Variants in COL4A1 observed in about 807,000 individuals in gnomAD.
COL4A1 encodes the protein collagen type IV alpha 1 chain, also known as collagen alpha-1(IV) chain.
A neutral mutation model predicts 216.6 loss-of-function variants in COL4A1; 40 were observed. The ratio of observed to expected loss-of-function variants is 0.18; its 90% CI spans 0.14 to 0.24. The LOEUF (loss-of-function observed/expected upper bound fraction) is 0.24. COL4A1 is among the 10% of genes least tolerant of loss of function. COL4A1 has a pLI of 1.00. For missense variants in COL4A1, 1,628 were observed against 2,196.8 expected, an observed-to-expected ratio of 0.74 and a Z score of 5.18; for synonymous variants, 839 against 810.7, an observed-to-expected ratio of 1.03 and a Z score of -0.59.
At chr13:110,206,536 T>C (rs1473245965) in intron 15 of COL4A1, 129 bp downstream of exon 15, 3 of 1,074,542 alleles carry the variant, frequency 2.8e-6, no homozygotes, top group Non-Finnish European at 4.3e-6. Flanking sequence ...GGAAAAGCCC[T>C]TCGGGGCATG....
At chr13:110,196,613 A>C (rs574562547) in intron 21 of COL4A1, among the ~76,000 whole-genome samples, 123 of 140,556 alleles carry the variant, frequency 8.8e-4, no homozygotes, top group African/African-American at 1.1e-3. Context: ...AACAAACAAA[A>C]AAAAAATAGT....
rs1017279002 is a variant in COL4A1, at chr13:110,170,650, A to C, written c.3639T>G (p.Gly1213=). The C allele has an allele frequency of 6.2e-7, 1 of 1,613,846 alleles. No individual in the cohort carries two copies. The stretch of plus-strand genomic sequence containing the variant: ...CCGGCTGTCCCTGGGGCCCCGGAGG[A>C]CCCATGAATCCTTGCTCTCCTTTGG... ...PGSKGEQGFM[G]PPGPQGQPGL... is the part of the protein sequence containing the mutation. Residue 1213 remains glycine, a synonymous_variant, in exon 42 of 52, where the codon GGT becomes GGG. Transcript: ENST00000375820.
At chr13:110,175,520 C>A (rs1469750249) in intron 36 of COL4A1, among the ~76,000 whole-genome samples, 163 bp from the exon 37 acceptor site, 1 of 152,198 alleles carries the variant, frequency 6.6e-6, no homozygotes, top group Non-Finnish European at 1.5e-5. Context: ...ATGTATCAAT[C>A]GGCTCATGAC....
chr13:110,286,989 T>C (rs1171104126), intron 1 of COL4A1, among the ~76,000 whole-genome samples: 3 of 152,152 alleles, frequency 2.0e-5, no homozygotes, highest in African/African-American at 7.2e-5. Context: ...CTCCAGAAAA[T>C]TCAGGAGTGG....
rs1376094894 is a variant in COL4A1 at position 110,179,415 on chromosome 13, G to C, written c.2200C>G (p.Pro734Ala). 6.2e-7 allele frequency: 1 copy of C among 1,614,050 alleles called. No individual in the cohort carries two copies. The highest frequency in any genetic ancestry group is 8.5e-7 in the Non-Finnish European group (1 of 1,180,020). ...NPGVQGQKGE[P>A]GVGLPGLKGL... ...TTGAGTCCCGGTAGACCAACTCCAG[G>C]CTCTCCCTGAAAATCCCCAAAGCAC... is the stretch of plus-strand genomic sequence containing the variant. The change falls in exon 30 of 52, where the codon CCT becomes GCT. Residue 734 changes from proline (P) to alanine (A), a missense_variant. Pro to Ala is a conservative substitution (Grantham distance 27, BLOSUM62 -1). This residue lies in a region of COL4A1 where 701 missense variants were observed against 892.5 expected (regional missense o/e 0.79). Coordinates refer to ENST00000375820, the MANE Select transcript of COL4A1 (RefSeq NM_001845.6).
chr13:110,180,665 G>A (rs764721208), intron 29 of COL4A1, among the ~76,000 whole-genome samples: 8 of 152,270 alleles, frequency 5.3e-5, no homozygotes, highest in Non-Finnish European at 7.3e-5. Flanking sequence ...GTATAGGCAA[G>A]TTGGTAGCAG....
In COL4A1 at chr13:110,169,521, CACACAT is replaced by C. The variant is rs1185708917; in HGVS notation, c.3876+102_3876+107del. 33 of 1,549,366 alleles carry C rather than the reference CACACAT, an allele frequency of 2.1e-5. No individual in the cohort carries two copies. The African/African-American group carries it at 2.7e-4, about 13-fold the overall frequency. ...TAACACACACACACACACACACACA[CACACAT>C]ATATATACATACACAAAATACATAC... On this transcript the variant is annotated intron_variant, in intron 43 of 51. Transcript: ENST00000375820.
At chr13:110,301,833 A>C (rs1371377203) in intron 1 of COL4A1, among the ~76,000 whole-genome samples, 3 of 152,196 alleles carry the variant, frequency 2.0e-5, no homozygotes. Flanking sequence ...GAGGCCAGAA[A>C]AATTTGACAG....
intron 47 of COL4A1, 85 bp downstream of exon 47, chr13:110,163,378 C>T: frequency 8.7e-7 from 1 of 1,154,826 alleles, no homozygotes; most frequent in Non-Finnish European, 1.3e-6. Flanking sequence ...CAACTTCATT[C>T]TGCTGTTTCC....
intron 2 of COL4A1, among the ~76,000 whole-genome samples, chr13:110,227,332 AT>A (rs373428234): frequency 1.9e-4 from 28 of 149,874 alleles, no homozygotes; most frequent in African/African-American, 6.6e-4. Flanking sequence ...ACGTATATGG[AT>A]TTTTTTTTAA....
Position 110,198,447 on chromosome 13 carries a change from C to T in COL4A1, c.1285+20G>A. 6.2e-7 allele frequency: 1 copy of T among 1,613,234 alleles called. No homozygotes were observed. Among genetic ancestry groups the T allele is most frequent in the Non-Finnish European group, 8.5e-7 (1 of 1,179,910 alleles). On this transcript the variant is annotated intron_variant, in intron 21 of 51. Coordinates refer to ENST00000375820, the MANE Select transcript of COL4A1 (RefSeq NM_001845.6). ...GTGTCTGCTTGCACCCCACATTAAA[C>T]CATTTCTGAGGGAACTCACTTGTGT...
At chr13:110,152,308 T>C (rs1317530425) in intron 51 of COL4A1, 26 bp downstream of exon 51, 1 of 1,613,754 alleles carries the variant, frequency 6.2e-7, no homozygotes, top group South Asian at 1.1e-5. Context: ...GCCAGCAGCC[T>C]GCAAAAAAGC....
chr13:110,255,880 AGGG>A (rs1882528369), intron 1 of COL4A1, among the ~76,000 whole-genome samples: 1 of 32,420 alleles, frequency 3.1e-5, no homozygotes, highest in East Asian at 9.8e-4. Flanking sequence ...GAAGGCAGGA[AGGG>A]AGGGGGAAGG....
intron 18 of COL4A1, 155 bp from the exon 19 acceptor site, chr13:110,201,677 G>T (rs780443766): frequency 2.5e-6 from 2 of 800,230 alleles, no homozygotes; most frequent in African/African-American, 1.7e-5. Flanking sequence ...GGAGGAAGGG[G>T]ATAAGCCTCT....
At chr13:110,201,737 A>G in intron 18 of COL4A1, 2 of 697,336 alleles carry the variant, frequency 2.9e-6, no homozygotes, top group Admixed American at 3.5e-5. Flanking sequence ...TAATCCCAGC[A>G]CTTTGGGAGG....
At chr13:110,233,390 C>T (rs1259756120) in intron 2 of COL4A1, among the ~76,000 whole-genome samples, 3 of 152,186 alleles carry the variant, frequency 2.0e-5, no homozygotes, top group South Asian at 2.1e-4. Context: ...AGCCAGCCAA[C>T]GGGAGGGGAG....
intron 49 of COL4A1, among the ~76,000 whole-genome samples, chr13:110,160,432 A>G (rs947421159): frequency 6.2e-4 from 53 of 85,158 alleles, no homozygotes; most frequent in South Asian, 1.6e-3. Flanking sequence ...CCTGGGTGAC[A>G]GAGCGAGACT....
intron 21 of COL4A1, among the ~76,000 whole-genome samples, chr13:110,195,837 T>C (rs1405531897): frequency 1.3e-5 from 2 of 152,194 alleles, no homozygotes; most frequent in Admixed American, 1.3e-4. Flanking sequence ...TGCCCAGGCA[T>C]AACCCTAACA....
Position 110,207,230 on chromosome 13 carries a change from G to A in COL4A1, c.780+173C>T, listed in dbSNP as rs1472375885. Among the ~76,000 whole-genome samples, 1 of 152,072 alleles carries A rather than the reference G, an allele frequency of 6.6e-6. No homozygotes were observed. The highest frequency in any genetic ancestry group is 1.5e-5 in the Non-Finnish European group (1 of 68,032). Reference sequence around the variant, plus strand: ...GGCTTGGACCAATCCAGTTCCAGCTGTCTCTGCTCTCAAAGGGGCTCGTAT... The same window carrying A: ...GGCTTGGACCAATCCAGTTCCAGCTATCTCTGCTCTCAAAGGGGCTCGTAT... On this transcript the variant is annotated intron_variant, in intron 13 of 51. Coordinates refer to ENST00000375820, the MANE Select transcript of COL4A1 (RefSeq NM_001845.6). The surrounding 1 kb of genome is among the most constrained non-coding windows in gnomAD (Gnocchi z 4.4).
Sources: allele counts gnomAD v4.1 joint callset (sites outside exome capture counted in the v4.1 genomes callset), GRCh38; gene constraint gnomAD v4.1.1; regional missense constraint gnomAD v4.1.1; non-coding constraint Gnocchi (gnomAD v3.1); transcripts MANE v1.5; gene names NCBI Gene and HGNC (gene_info 2026-07-23, HGNC 2026-07-21).